The following SAMMSON variants were observed in gnomAD, a reference collection of about 807,000 sequenced individuals.
The protein encoded by SAMMSON is survival associated mitochondrial melanoma specific oncogenic non-coding RNA.
At chr3:70,213,117 C>T (rs928043196) in intron 4 of SAMMSON, among the ~76,000 whole-genome samples, 1 of 151,970 alleles carries the variant, frequency 6.6e-6, no homozygotes, top group Non-Finnish European at 1.5e-5. Flanking sequence ...CCTTCATTCT[C>T]TCTCCCTCCT....
downstream of SAMMSON, among the ~76,000 whole-genome samples, chr3:70,392,853 C>T (rs1333750125): frequency 6.6e-6 from 1 of 152,006 alleles, no homozygotes; most frequent in Non-Finnish European, 1.5e-5. Flanking sequence ...CCATACCAGG[C>T]AGATTAAGAT....
intron 7 of SAMMSON, among the ~76,000 whole-genome samples, chr3:70,318,599 G>A: frequency 6.6e-6 from 1 of 151,858 alleles, no homozygotes; most frequent in East Asian, 1.9e-4. Flanking sequence ...GTCACTTTCT[G>A]GCAACTCCAA....
chr3:70,140,638 T>C (rs967653748), intron 4 of SAMMSON: 2 of 152,182 alleles, frequency 1.3e-5, no homozygotes, highest in Non-Finnish European at 2.9e-5. Context: ...TTCTAGGTAA[T>C]TAGCAGTGAT....
intron 4 of SAMMSON, among the ~76,000 whole-genome samples, chr3:70,162,789 G>T (rs1335496325): frequency 1.4e-5 from 2 of 142,974 alleles, no homozygotes; most frequent in Admixed American, 6.8e-5. Context: ...TTCTGTCAGG[G>T]TTTGTTTAAT....
intron 4 of SAMMSON, among the ~76,000 whole-genome samples, chr3:70,180,004 ATGTGTG>A (rs10555321): frequency 1.0e-4 from 15 of 148,174 alleles, no homozygotes; most frequent in Admixed American, 2.7e-4. Context: ...TGTGCTTCGT[ATGTGTG>A]TGTGTGTGTG....
intron 3 of SAMMSON, among the ~76,000 whole-genome samples, chr3:70,066,641 A>G (rs1390877568): frequency 2.0e-5 from 3 of 152,158 alleles, no homozygotes; most frequent in Non-Finnish European, 4.4e-5. Flanking sequence ...TACTATTAAC[A>G]TGTAAAATAG....
intron 4 of SAMMSON, among the ~76,000 whole-genome samples, chr3:70,111,499 A>G (rs535129885): frequency 6.6e-6 from 1 of 152,308 alleles, no homozygotes; most frequent in East Asian, 1.9e-4. Flanking sequence ...TCCATAATTC[A>G]TAATGCATAG....
chr3:70,203,000 G>A (rs1227887695), intron 4 of SAMMSON, among the ~76,000 whole-genome samples: 1 of 152,056 alleles, frequency 6.6e-6, no homozygotes, highest in African/African-American at 2.4e-5. Flanking sequence ...TCACCTTGGT[G>A]CCCATGATTA....
At chr3:70,385,849 G>C (rs1703119499) in intron 9 of SAMMSON, among the ~76,000 whole-genome samples, 1 of 151,818 alleles carries the variant, frequency 6.6e-6, no homozygotes, top group South Asian at 2.1e-4. Context: ...TATGTTTTTT[G>C]AAAAATTCCT....
chr3:70,141,479 T>A (rs571702653), intron 4 of SAMMSON, among the ~76,000 whole-genome samples: 8 of 152,312 alleles, frequency 5.3e-5, no homozygotes, highest in African/African-American at 1.4e-4. Flanking sequence ...ATGAGAGTGA[T>A]CTTTACTCAT....
chr3:70,206,756 C>G (rs1481820001), intron 4 of SAMMSON: 9 of 397,590 alleles, frequency 2.3e-5, no homozygotes, highest in Non-Finnish European at 4.4e-6. Flanking sequence ...TAATGGGTTT[C>G]TCATCTGCAT....
chr3:70,117,503 G>C (rs1196223554), intron 4 of SAMMSON, among the ~76,000 whole-genome samples: 1 of 152,166 alleles, frequency 6.6e-6, no homozygotes, highest in Non-Finnish European at 1.5e-5. Context: ...GGAGAGAAAT[G>C]AATCATCAAT....
intron 4 of SAMMSON, among the ~76,000 whole-genome samples, chr3:70,152,277 G>A (rs966716218): frequency 4.6e-5 from 7 of 151,940 alleles, no homozygotes; most frequent in African/African-American, 1.7e-4. Context: ...ATGGCTTTGA[G>A]CATTGACAGT....
At chr3:70,055,167 A>G (rs2067162437) in intron 3 of SAMMSON, among the ~76,000 whole-genome samples, 2 of 152,132 alleles carry the variant, frequency 1.3e-5, no homozygotes, top group Admixed American at 1.3e-4. Flanking sequence ...GGTGAAGAAG[A>G]GGATATAAAT....
intron 4 of SAMMSON, among the ~76,000 whole-genome samples, chr3:70,112,025 CTACATTATAGTTGA>C (rs1330845777): frequency 6.6e-6 from 1 of 152,032 alleles, no homozygotes; most frequent in Non-Finnish European, 1.5e-5. Flanking sequence ...GAGAGAAAAG[CTACATTATAGTTGA>C]TAATGTGAAC....
At chr3:70,039,333 T>C (rs187237929) in intron 3 of SAMMSON, among the ~76,000 whole-genome samples, 1 of 152,192 alleles carries the variant, frequency 6.6e-6, no homozygotes, top group African/African-American at 2.4e-5. Context: ...TGGGTGAAGC[T>C]GAAATTTAAA....
intron 8 of SAMMSON, among the ~76,000 whole-genome samples, chr3:70,355,840 A>G (rs1340337896): frequency 1.3e-5 from 2 of 152,158 alleles, no homozygotes; most frequent in Non-Finnish European, 2.9e-5. Context: ...AAACGAAGGA[A>G]CTATTTCACT....
At chr3:70,002,042 T>C (rs2066907908) in intron 1 of SAMMSON, among the ~76,000 whole-genome samples, 1 of 152,228 alleles carries the variant, frequency 6.6e-6, no homozygotes, top group Non-Finnish European at 1.5e-5. Context: ...AGACCTACTT[T>C]ACTCTCGGTC....
At chr3:70,394,848 C>T (rs982447651), downstream of SAMMSON, among the ~76,000 whole-genome samples, 2 of 152,144 alleles carry the variant, frequency 1.3e-5, no homozygotes, top group South Asian at 2.1e-4. Context: ...TAATGATTCT[C>T]GTTGCACAAA....
Sources: gnomAD v4.1 joint callset for allele counts (sites outside exome capture counted in the v4.1 genomes callset) on GRCh38, gnomAD v4.1.1 for gene constraint, MANE v1.5 for transcripts, NCBI Gene and HGNC (gene_info 2026-07-23, HGNC 2026-07-21) for gene names.